EFCAB8: variants seen among roughly 807,000 people sequenced by gnomAD.
EFCAB8 encodes the protein EF-hand calcium-binding domain-containing protein 8.
EFCAB8 carries 100 observed loss-of-function variants against 116.3 expected under a neutral mutation model. The ratio of observed to expected loss-of-function variants is 0.86; its 90% CI spans 0.73 to 1.02. The LOEUF is 1.02. Ranked by LOEUF, EFCAB8 falls within the 50% of genes least tolerant of loss-of-function variation. The probability of loss-of-function intolerance (pLI) is 0.00; values close to 1 mark genes in which losing one functional copy is unlikely to be tolerated. For synonymous variants in EFCAB8, 558 were observed against 567.9 expected (o/e 0.98, Z 0.25); for missense variants, 1,320 against 1,416.9 (o/e 0.93, Z 1.10).
intron 3 of EFCAB8, among the ~76,000 whole-genome samples, chr20:32,870,809 A>T (rs749881271): frequency 5.3e-5 from 8 of 150,678 alleles, no homozygotes; most frequent in Non-Finnish European, 1.0e-4. Context: ...GCCTCCTATG[A>T]CCTTTGGAAA....
chr20:32,908,386 A>ACTTCTCG lies in EFCAB8; in HGVS notation c.1420_1421insCTTCTCG (p.Asn474ThrfsTer47), dbSNP rs1986776197. ...CAGTGCCTACTTCTTCGAGAAGGAC[A>ACTTCTCG]ATACCCTCATCTGCAGCACCTACTC... On this transcript the variant is annotated frameshift_variant, in exon 14 of 27. Coordinates refer to ENST00000400522, the MANE Select transcript of EFCAB8 (RefSeq NM_001143967.2). LOFTEE classifies it high-confidence loss of function. 1 of 1,249,976 alleles carries ACTTCTCG rather than the reference A, an allele frequency of 8.0e-7. No individual in the cohort carries two copies. The highest frequency in any genetic ancestry group is 3.2e-5 in the East Asian group (1 of 31,702). The allele number at this position is 1,249,976 out of a possible 1,614,324, so 77.4% of individuals were successfully genotyped here.
chr20:32,866,889 T>C (rs945932636), intron 2 of EFCAB8, among the ~76,000 whole-genome samples: 16 of 150,328 alleles, frequency 1.1e-4, no homozygotes, highest in African/African-American at 1.5e-4. Flanking sequence ...TTCCTTCCTT[T>C]CTTTCTCTCT....
At chr20:32,863,195 C>A (rs568275178) in intron 1 of EFCAB8, among the ~76,000 whole-genome samples, 1 of 152,116 alleles carries the variant, frequency 6.6e-6, no homozygotes, top group East Asian at 1.9e-4. Context: ...GACTTGCTGA[C>A]GAGGTGGATT....
intron 26 of EFCAB8, 121 bp downstream of exon 26, chr20:32,960,282 C>T (rs1003639646): frequency 1.1e-6 from 1 of 925,146 alleles, no homozygotes; most frequent in Admixed American, 2.4e-5. Flanking sequence ...GAGCCTTTGT[C>T]CTTTAACAGG....
intron 20 of EFCAB8, among the ~76,000 whole-genome samples, chr20:32,923,499 C>G (rs1987547870): frequency 1.3e-5 from 2 of 151,982 alleles, no homozygotes. Flanking sequence ...ACAACACCAC[C>G]ACCACCACCT....
At chr20:32,868,487 C>T (rs1161577395) in intron 3 of EFCAB8, among the ~76,000 whole-genome samples, 1 of 152,172 alleles carries the variant, frequency 6.6e-6, no homozygotes, top group Admixed American at 6.5e-5. Flanking sequence ...TCCAAATACC[C>T]ACATGTAACC....
At chr20:32,892,406 C>G (rs1985964312) in intron 8 of EFCAB8, 109 bp downstream of exon 8, 1 of 908,368 alleles carries the variant, frequency 1.1e-6, no homozygotes, top group African/African-American at 1.7e-5. Context: ...TTGGAAAGAT[C>G]TGGAAATATC....
chr20:32,957,868 T>C (rs1989020813), intron 23 of EFCAB8, among the ~76,000 whole-genome samples: 1 of 152,154 alleles, frequency 6.6e-6, no homozygotes, highest in African/African-American at 2.4e-5. Context: ...CCTCTTTGCT[T>C]CTACTGCTTT....
chr20:32,887,636 T>A (rs373586132), intron 6 of EFCAB8, among the ~76,000 whole-genome samples: 1 of 152,210 alleles, frequency 6.6e-6, no homozygotes, highest in Admixed American at 6.5e-5. Context: ...CTCTGGTTCC[T>A]CTCCAACTCT....
At position 32,940,023 on chromosome 20, in the gene EFCAB8, CCCTTCCTTCCTTCCTTCCTT is replaced by C. The variant is rs757461144; in HGVS notation, c.2791-3572_2791-3553del. ...TGCCTGCCTCCCTCCCTCCCTCCCTCCCTTCCTTCCTTCCTTCCTTCCTTCCTTCCTTCCTTCCTTCCTTC... is the reference window on the plus strand; with the variant it reads ...TGCCTGCCTCCCTCCCTCCCTCCCTCCCTTCCTTCCTTCCTTCCTTCCTTC... On this transcript the variant is annotated intron_variant, in intron 22 of 26. Coordinates refer to ENST00000400522, the MANE Select transcript of EFCAB8 (RefSeq NM_001143967.2). 4.1e-4 allele frequency among the ~76,000 whole-genome samples: 23 copies of C among 56,122 alleles called. 3 individuals carry two copies. The highest frequency in any genetic ancestry group is 1.5e-3 in the South Asian group (2 of 1,296). 36.8% of individuals were successfully genotyped at this position (56,122 alleles called of 152,430 possible). A position where few individuals can be genotyped will look rare whatever the true frequency, so the allele number is the denominator to read the frequency against.
intron 5 of EFCAB8, among the ~76,000 whole-genome samples, chr20:32,880,910 T>TAA (rs928329461): frequency 4.6e-5 from 7 of 152,044 alleles, no homozygotes; most frequent in Admixed American, 6.6e-5. Flanking sequence ...TATATATATA[T>TAA]AAAACACCAC....
chr20:32,863,687 G>T, intron 1 of EFCAB8, 96 bp from the exon 2 acceptor site: 1 of 1,268,246 alleles, frequency 7.9e-7, no homozygotes, highest in South Asian at 1.4e-5. Context: ...CCTTGACCTT[G>T]ACTTCTTTTC....
At chr20:32,928,820 A>G (rs1012789673) in intron 20 of EFCAB8, among the ~76,000 whole-genome samples, 6 of 151,830 alleles carry the variant, frequency 4.0e-5, no homozygotes, top group African/African-American at 1.2e-4. Flanking sequence ...GTCTTTTACT[A>G]TTGAGTGTGA....
intron 16 of EFCAB8, among the ~76,000 whole-genome samples, chr20:32,912,394 C>T (rs915424168): frequency 2.7e-5 from 4 of 147,782 alleles, no homozygotes; most frequent in Non-Finnish European, 5.9e-5. Context: ...ATCCCGCCAT[C>T]GCACTCCAGC....
At chr20:32,942,628 A>G (rs1988442489) in intron 22 of EFCAB8, among the ~76,000 whole-genome samples, 1 of 152,068 alleles carries the variant, frequency 6.6e-6, no homozygotes, top group South Asian at 2.1e-4. Flanking sequence ...TTTATTTATG[A>G]TGACTTAAAA....
intron 2 of EFCAB8, among the ~76,000 whole-genome samples, chr20:32,866,905 T>C (rs2146170348): frequency 6.6e-6 from 1 of 150,472 alleles, no homozygotes; most frequent in East Asian, 2.0e-4. Context: ...TCTCTCTCTC[T>C]TTCTTTCTTT....
intron 15 of EFCAB8, among the ~76,000 whole-genome samples, chr20:32,911,020 G>A (rs116030813): frequency 0.012 from 1,758 of 152,262 alleles, 36 homozygotes; most frequent in African/African-American, 0.041. Context: ...TTACAGGCGT[G>A]AGCCACTGTG....
At position 32,906,846 on chromosome 20, in the gene EFCAB8, C is replaced by G. The variant is rs1280093331; in HGVS notation, c.1160C>G (p.Thr387Ser). The G allele has an allele frequency of 6.9e-7, 1 of 1,442,044 alleles. No individual in the cohort carries two copies. The highest frequency in any genetic ancestry group is 2.5e-5 in the East Asian group (1 of 40,352). 89.3% of individuals were successfully genotyped at this position (1,442,044 alleles called of 1,614,324 possible). The change falls in exon 13 of 27, where the codon ACT (threonine) becomes AGT (serine). Residue 387 changes from threonine (T) to serine (S), a missense_variant. Transcript: ENST00000400522. ...DYCPDRNFLV[T>S]GGYDAFIRLW... ...GACACCCACGTCTTGACCACAGTGACTGGTGGCTACGATGCCTTCATCCGC... is the reference window on the plus strand; with the variant it reads ...GACACCCACGTCTTGACCACAGTGAGTGGTGGCTACGATGCCTTCATCCGC...
chr20:32,904,951 T>A (rs1456326340), intron 11 of EFCAB8, among the ~76,000 whole-genome samples: 1 of 152,030 alleles, frequency 6.6e-6, no homozygotes, highest in Non-Finnish European at 1.5e-5. Context: ...AAGAGTGTAG[T>A]AGAAGGAGCT....
Sources: allele counts gnomAD v4.1 joint callset (sites outside exome capture counted in the v4.1 genomes callset), GRCh38; gene constraint gnomAD v4.1.1; transcripts MANE v1.5; gene names NCBI Gene and HGNC (gene_info 2026-07-23, HGNC 2026-07-21).